SETBP1: variants seen among roughly 807,000 people sequenced by gnomAD.
The protein encoded by SETBP1 is SET-binding protein.
Under a neutral mutation model 101.0 loss-of-function variants are expected in SETBP1, and 9 were observed. The observed-to-expected ratio is 0.09, with a 90% CI of 0.05 to 0.16. The LOEUF is 0.16. SETBP1 is among the 10% of genes least tolerant of loss of function. The pLI is 1.00. For missense variants in SETBP1, 1,858 were observed against 2,033.8 expected, an observed-to-expected ratio of 0.91 and a Z score of 1.66; for synonymous variants, 818 against 788.5, an observed-to-expected ratio of 1.04 and a Z score of -0.63.
At chr18:44,778,822 C>T (rs2071061633) in intron 2 of SETBP1, among the ~76,000 whole-genome samples, 1 of 152,252 alleles carries the variant, frequency 6.6e-6, no homozygotes, top group Non-Finnish European at 1.5e-5. Flanking sequence ...GACCAGGGAT[C>T]TCTCCCCTGA....
At chr18:44,762,361 C>A (rs1040242984) in intron 2 of SETBP1, among the ~76,000 whole-genome samples, 1 of 152,200 alleles carries the variant, frequency 6.6e-6, no homozygotes, top group Non-Finnish European at 1.5e-5. Flanking sequence ...ACCCATTAAG[C>A]AAGTTGCACA....
intron 2 of SETBP1, among the ~76,000 whole-genome samples, chr18:44,868,708 AAG>A (rs2069192462): frequency 1.6e-4 from 1 of 6,182 alleles, no homozygotes; most frequent in Admixed American, 1.5e-3. Flanking sequence ...GGACGGAAGG[AAG>A]GGAGGAAGGA....
intron 1 of SETBP1, among the ~76,000 whole-genome samples, chr18:44,698,226 A>C (rs543884442): frequency 6.6e-6 from 1 of 152,256 alleles, no homozygotes; most frequent in East Asian, 1.9e-4. Context: ...TTTCAGCTGA[A>C]CTTTCTTATG....
chr18:44,708,380 A>G (rs777565569), intron 2 of SETBP1, among the ~76,000 whole-genome samples: 1 of 152,194 alleles, frequency 6.6e-6, no homozygotes, highest in Non-Finnish European at 1.5e-5. Context: ...TGAGGTCTCC[A>G]TAGCATTTCT....
In SETBP1 at chr18:44,907,141, A is replaced by G. The variant is rs147414119; in HGVS notation, c.540+37858A>G. ...TTTTATTTGGCTTCTTTCACTTAGC[A>G]TAGTATTTTTAAGGTTTAGCCATGC... is the stretch of plus-strand genomic sequence containing the variant. On this transcript the variant is annotated intron_variant, in intron 3 of 5. Coordinates refer to ENST00000649279, the MANE Select transcript of SETBP1 (RefSeq NM_015559.3). 4.9e-3 allele frequency among the ~76,000 whole-genome samples: 748 copies of G among 152,310 alleles called. 8 individuals are homozygous for G. Among genetic ancestry groups the G allele is most frequent in the African/African-American group, 0.017 (719 of 41,572 alleles).
intron 2 of SETBP1, among the ~76,000 whole-genome samples, chr18:44,723,460 C>T (rs987230540): frequency 6.6e-6 from 1 of 152,236 alleles, no homozygotes; most frequent in South Asian, 2.1e-4. Flanking sequence ...AGTGATGTCT[C>T]GTGATTTGTT....
intron 1 of SETBP1, among the ~76,000 whole-genome samples, chr18:44,687,775 C>G (rs914996711): frequency 2.6e-5 from 4 of 151,890 alleles, no homozygotes; most frequent in Non-Finnish European, 5.9e-5. Context: ...TCACTCATGT[C>G]ATGGATCTAG....
chr18:44,914,540 C>T (rs746663460), intron 3 of SETBP1, among the ~76,000 whole-genome samples: 5 of 152,156 alleles, frequency 3.3e-5, no homozygotes, highest in Non-Finnish European at 4.4e-5. Flanking sequence ...GCATTCTATT[C>T]ACTTTTTGAG....
At position 44,910,138 on chromosome 18, in the gene SETBP1, G is replaced by A. The variant is rs188836071; in HGVS notation, c.541-39743G>A. Among the ~76,000 whole-genome samples, 6 of 152,260 alleles carry A rather than the reference G, an allele frequency of 3.9e-5. No individual in the cohort carries two copies. In the East Asian group the frequency reaches 1.2e-3, roughly 29 times the overall value. ...GGCATCATTGACAATGCCGAGACAT[G>A]CCTCTTCCTCTCTGAGATTGTTGTT... On this transcript the variant is annotated intron_variant, in intron 3 of 5. Coordinates refer to ENST00000649279, the MANE Select transcript of SETBP1 (RefSeq NM_015559.3).
chr18:44,949,828 A>T, intron 3 of SETBP1, 53 bp from the exon 4 acceptor site: 1 of 1,406,016 alleles, frequency 7.1e-7, no homozygotes, highest in Non-Finnish European at 1.0e-6. Flanking sequence ...CAACATGCTC[A>T]TCTTTGTTTC....
upstream of SETBP1, among the ~76,000 whole-genome samples, chr18:44,680,696 G>A (rs2068744768): frequency 6.6e-6 from 1 of 152,084 alleles, no homozygotes; most frequent in Non-Finnish European, 1.5e-5. Flanking sequence ...GAAGCTTTGG[G>A]CTGGAGGGCT....
intron 2 of SETBP1, among the ~76,000 whole-genome samples, chr18:44,795,738 T>C (rs1389746663): frequency 6.6e-6 from 1 of 152,198 alleles, no homozygotes; most frequent in Admixed American, 6.5e-5. Context: ...ACCATACAGA[T>C]ACAAAAGCAT....
At chr18:44,785,379 C>T (rs2071218895) in intron 2 of SETBP1, among the ~76,000 whole-genome samples, 1 of 152,166 alleles carries the variant, frequency 6.6e-6, no homozygotes, top group Non-Finnish European at 1.5e-5. Flanking sequence ...CTCTCAATTA[C>T]CCATCATGAA....
chr18:44,731,387 G>A (rs2069834723), intron 2 of SETBP1, among the ~76,000 whole-genome samples: 1 of 152,136 alleles, frequency 6.6e-6, no homozygotes, highest in African/African-American at 2.4e-5. Flanking sequence ...AGAAAACAGG[G>A]TCCGCAGAGA....
At chr18:44,997,426 T>C (rs1227951732) in intron 4 of SETBP1, among the ~76,000 whole-genome samples, 5 of 152,204 alleles carry the variant, frequency 3.3e-5, no homozygotes, top group Non-Finnish European at 7.3e-5. Flanking sequence ...GCCAGTGTTA[T>C]GCTGAGTATT....
At chr18:44,939,158 T>C (rs1034781483) in intron 3 of SETBP1, among the ~76,000 whole-genome samples, 38 of 152,246 alleles carry the variant, frequency 2.5e-4, no homozygotes, top group Admixed American at 2.2e-3. Context: ...TACACAGCTG[T>C]GTGACTCACA....
At chr18:44,803,948 TA>T (rs1282517380) in intron 2 of SETBP1, among the ~76,000 whole-genome samples, 1 of 152,164 alleles carries the variant, frequency 6.6e-6, no homozygotes, top group African/African-American at 2.4e-5. Context: ...TGAGGTAAAC[TA>T]GCATATTATT....
intron 4 of SETBP1, among the ~76,000 whole-genome samples, chr18:44,984,362 T>C (rs2072182784): frequency 6.6e-6 from 1 of 152,136 alleles, no homozygotes; most frequent in Non-Finnish European, 1.5e-5. Flanking sequence ...TCATCAGACA[T>C]TAGATTCTGA....
chr18:44,693,468 C>T (rs887557068), intron 1 of SETBP1, among the ~76,000 whole-genome samples: 5 of 152,096 alleles, frequency 3.3e-5, no homozygotes, highest in Non-Finnish European at 7.4e-5. Flanking sequence ...ATCTGGTTTG[C>T]GATGCTCAGG....
Sources: allele counts gnomAD v4.1 joint callset (sites outside exome capture counted in the v4.1 genomes callset), GRCh38; gene constraint gnomAD v4.1.1; transcripts MANE v1.5; gene names NCBI Gene and HGNC (gene_info 2026-07-23, HGNC 2026-07-21).